UBE2K: variants seen among roughly 807,000 people sequenced by gnomAD.
UBE2K encodes ubiquitin-conjugating enzyme E2 K.
A neutral mutation model predicts 30.0 loss-of-function variants in UBE2K; 6 were observed. The ratio of observed to expected loss-of-function variants is 0.20; its 90% CI spans 0.11 to 0.39. The LOEUF is 0.39. Ranked by LOEUF, UBE2K falls within the 10% of genes least tolerant of loss-of-function variation. UBE2K has a pLI of 1.00. For missense variants in UBE2K, 61 were observed against 241.6 expected, an observed-to-expected ratio of 0.25 and a Z score of 4.96; for synonymous variants, 86 against 83.7, an observed-to-expected ratio of 1.03 and a Z score of -0.15.
intron 4 of UBE2K, among the ~76,000 whole-genome samples, chr4:39,759,924 C>T (rs971036555): frequency 6.6e-6 from 1 of 151,970 alleles, no homozygotes; most frequent in African/African-American, 2.4e-5. Flanking sequence ...GCCTGTTATC[C>T]CAACACTTTG....
intron 4 of UBE2K, among the ~76,000 whole-genome samples, chr4:39,773,556 A>G (rs1053437648): frequency 1.3e-5 from 2 of 152,158 alleles, no homozygotes; most frequent in African/African-American, 4.8e-5. Context: ...CTCACATGCT[A>G]TTAGTACTAA....
In UBE2K at chr4:39,728,727, C is replaced by T. The variant is rs577554776; in HGVS notation, c.64-8693C>T. On this transcript the variant is annotated intron_variant, in intron 1 of 6. Coordinates refer to ENST00000261427, the MANE Select transcript of UBE2K (RefSeq NM_005339.5). ...GATCTCGGCTCACTGCAAGCTCCGC[C>T]TCCTGGGTTCACGCCATTCTCCTGC... Among the ~76,000 whole-genome samples, 5 of 152,078 alleles carry T rather than the reference C, an allele frequency of 3.3e-5. No individual in the cohort carries two copies. In the South Asian group the frequency reaches 1.0e-3, roughly 32 times the overall value.
chr4:39,777,829 G>A lies in UBE2K; in HGVS notation c.528+19G>A, dbSNP rs1053499978. 7.2e-7 allele frequency: 1 copy of A among 1,391,708 alleles called. No individual in the cohort carries two copies. The highest frequency in any genetic ancestry group is 1.5e-5 in the African/African-American group (1 of 66,932). 86.2% of individuals were successfully genotyped at this position (1,391,708 alleles called of 1,614,324 possible). A position where few individuals can be genotyped will look rare whatever the true frequency, so the allele number is the denominator to read the frequency against. On this transcript the variant is annotated intron_variant, in intron 6 of 6. Coordinates refer to ENST00000261427, the MANE Select transcript of UBE2K (RefSeq NM_005339.5). ...TGATAGGGTAAGTACATAAGGGCAT[G>A]TTGATTTTGATATATTGATTGATTT...
At chr4:39,739,301 G>T (rs1041231653) in intron 2 of UBE2K, among the ~76,000 whole-genome samples, 5 of 151,668 alleles carry the variant, frequency 3.3e-5, no homozygotes, top group African/African-American at 7.3e-5. Flanking sequence ...AAAGTGCTGG[G>T]GTTACAGGAG....
chr4:39,735,965 C>T (rs1273712610), intron 1 of UBE2K, among the ~76,000 whole-genome samples: 3 of 150,908 alleles, frequency 2.0e-5, no homozygotes, highest in Non-Finnish European at 2.9e-5. Flanking sequence ...ATGAACTAAA[C>T]GTTCTGTACT....
chr4:39,723,294 C>T (rs1456062555), intron 1 of UBE2K, among the ~76,000 whole-genome samples: 4 of 151,318 alleles, frequency 2.6e-5, no homozygotes, highest in Admixed American at 6.6e-5. Flanking sequence ...CCACCTGCCT[C>T]GACCTCCCAA....
chr4:39,756,156 T>C (rs901822882), intron 4 of UBE2K, among the ~76,000 whole-genome samples: 1 of 152,256 alleles, frequency 6.6e-6, no homozygotes, highest in African/African-American at 2.4e-5. Context: ...TTATGAATTC[T>C]AACAAGGAGC....
intron 3 of UBE2K, among the ~76,000 whole-genome samples, chr4:39,752,412 C>A (rs549177718): frequency 7.2e-6 from 1 of 139,084 alleles, no homozygotes; most frequent in East Asian, 2.2e-4. Context: ...TCTCGGCTCA[C>A]TGCAAGCTCC....
At chr4:39,730,340 T>TG (rs1235059663) in intron 1 of UBE2K, among the ~76,000 whole-genome samples, 1 of 152,068 alleles carries the variant, frequency 6.6e-6, no homozygotes, top group Non-Finnish European at 1.5e-5. Context: ...ACACGTTTTT[T>TG]GTTTTTTTTG....
At chr4:39,727,040 C>T (rs921385846) in intron 1 of UBE2K, among the ~76,000 whole-genome samples, 3 of 152,160 alleles carry the variant, frequency 2.0e-5, no homozygotes, top group African/African-American at 4.8e-5. Context: ...CTTATTATGT[C>T]CAACAAAAGA....
intron 1 of UBE2K, among the ~76,000 whole-genome samples, chr4:39,733,580 G>A (rs1429200969): frequency 2.0e-5 from 3 of 151,936 alleles, no homozygotes; most frequent in African/African-American, 4.8e-5. Flanking sequence ...TGATCCACCC[G>A]CCTTGGCCTC....
chr4:39,752,411 A>C (rs889922552), intron 3 of UBE2K, among the ~76,000 whole-genome samples: 2 of 131,744 alleles, frequency 1.5e-5, no homozygotes, highest in African/African-American at 6.0e-5. Context: ...ATCTCGGCTC[A>C]CTGCAAGCTC....
chr4:39,760,883 T>G (rs1711895592), intron 4 of UBE2K: 1 of 152,232 alleles, frequency 6.6e-6, no homozygotes, highest in Admixed American at 6.6e-5. Flanking sequence ...TTTGTAATGC[T>G]AAAAATACTC....
chr4:39,752,476 A>G (rs993060274), intron 3 of UBE2K, among the ~76,000 whole-genome samples: 2 of 151,706 alleles, frequency 1.3e-5, no homozygotes, highest in Non-Finnish European at 2.9e-5. Context: ...AGCTGGGACT[A>G]CAGGCGCCCG....
intron 3 of UBE2K, among the ~76,000 whole-genome samples, chr4:39,747,787 T>G (rs2109363133): frequency 6.6e-6 from 1 of 151,822 alleles, no homozygotes; most frequent in South Asian, 2.1e-4. Context: ...CGGCTAATTT[T>G]GTTGTTGTTG....
intron 4 of UBE2K, chr4:39,770,222 C>G (rs943282542): frequency 8.5e-5 from 137 of 1,611,504 alleles, no homozygotes; most frequent in Non-Finnish European, 1.1e-4. Context: ...AGCGGTAGGG[C>G]TGCGCTCCCG....
intron 4 of UBE2K, among the ~76,000 whole-genome samples, chr4:39,766,932 A>G (rs947108244): frequency 1.3e-5 from 2 of 151,448 alleles, no homozygotes; most frequent in African/African-American, 4.9e-5. Context: ...TGTGTTTTTA[A>G]TAGAGATGGT....
At position 39,771,382 on chromosome 4, in the gene UBE2K, G is replaced by A. The variant is rs570531671; in HGVS notation, c.300-3452G>A. 8.7e-6 allele frequency: 14 copies of A among 1,612,546 alleles called. No individual in the cohort carries two copies. The African/African-American group carries it at 1.3e-4, about 15-fold the overall frequency. ...CCGGAGCTTGTTCATGTTCCGTAGCGTAGCGGCCTAGTGGCCGGGCAGCTG... is the reference window on the plus strand; with the variant it reads ...CCGGAGCTTGTTCATGTTCCGTAGCATAGCGGCCTAGTGGCCGGGCAGCTG... On this transcript the variant is annotated intron_variant, in intron 4 of 6. Transcript: ENST00000261427.
At chr4:39,752,313 TTTTTTTTTTTTCTTTTTTTTTC>T (rs1439905386) in intron 3 of UBE2K, among the ~76,000 whole-genome samples, 10 of 108,580 alleles carry the variant, frequency 9.2e-5, no homozygotes, top group African/African-American at 2.8e-4. Context: ...CCTGGCTAAT[TTTTTTTTTTTTCTTTTTTTTTC>T]TTTTTTTTTT....
Sources: gnomAD v4.1 joint callset for allele counts (sites outside exome capture counted in the v4.1 genomes callset) on GRCh38, gnomAD v4.1.1 for gene constraint, MANE v1.5 for transcripts, NCBI Gene and HGNC (gene_info 2026-07-23, HGNC 2026-07-21) for gene names.